KCNH7: variants seen among roughly 807,000 people sequenced by gnomAD.
KCNH7 encodes potassium voltage-gated channel subfamily H member 7, also known as voltage-gated inwardly rectifying potassium channel KCNH7.
A neutral mutation model predicts 120.8 loss-of-function variants in KCNH7; 49 were observed. The ratio of observed to expected loss-of-function variants is 0.41; its 90% confidence interval spans 0.32 to 0.51. The LOEUF (loss-of-function observed/expected upper bound fraction) is 0.51. Among genes scored for constraint, KCNH7 ranks in the 20% least tolerant of loss-of-function variants. The pLI is 0.38. For synonymous variants in KCNH7, 547 were observed against 516.1 expected, an observed-to-expected ratio of 1.06 and a Z score of -0.81; for missense variants, 1,097 against 1,446.6, an observed-to-expected ratio of 0.76 and a Z score of 3.92.
intron 2 of KCNH7, among the ~76,000 whole-genome samples, chr2:162,780,125 C>T (rs1362548145): frequency 6.6e-6 from 1 of 152,052 alleles, no homozygotes; most frequent in Non-Finnish European, 1.5e-5. Flanking sequence ...TTCCTTGTTG[C>T]CAGAAAAGTA....
chr2:162,733,016 T>G (rs1687779280), intron 2 of KCNH7, among the ~76,000 whole-genome samples: 1 of 152,350 alleles, frequency 6.6e-6, no homozygotes, highest in South Asian at 2.1e-4. Flanking sequence ...TTTGGCATAT[T>G]TAGCAACAGT....
chr2:162,429,659 T>A (rs772072444), intron 8 of KCNH7, among the ~76,000 whole-genome samples: 2 of 151,816 alleles, frequency 1.3e-5, no homozygotes, highest in African/African-American at 4.8e-5. Context: ...TAATAAGAAA[T>A]CTATCAACAT....
intron 5 of KCNH7, among the ~76,000 whole-genome samples, chr2:162,508,562 T>C (rs1245061365): frequency 6.6e-6 from 1 of 151,540 alleles, no homozygotes; most frequent in Non-Finnish European, 1.5e-5. Context: ...ATGATCAGTG[T>C]TGGCTTAGAT....
chr2:162,741,745 A>G (rs1365819678), intron 2 of KCNH7, among the ~76,000 whole-genome samples: 2 of 152,152 alleles, frequency 1.3e-5, no homozygotes, highest in African/African-American at 2.4e-5. Context: ...AAAACACTGT[A>G]TTTCTCAAGG....
intron 2 of KCNH7, among the ~76,000 whole-genome samples, chr2:162,778,619 A>C (rs189413378): frequency 1.3e-5 from 2 of 151,492 alleles, no homozygotes; most frequent in East Asian, 3.9e-4. Flanking sequence ...TAATCTCACA[A>C]GGTTCTTCAC....
intron 2 of KCNH7, among the ~76,000 whole-genome samples, chr2:162,598,969 G>A (rs905534469): frequency 6.6e-6 from 1 of 151,980 alleles, no homozygotes; most frequent in Non-Finnish European, 1.5e-5. Context: ...GAAAGCTTAT[G>A]TGAAGGCTGG....
chr2:162,556,101 G>A (rs1047434469), intron 2 of KCNH7, among the ~76,000 whole-genome samples: 6 of 151,834 alleles, frequency 4.0e-5, no homozygotes, highest in African/African-American at 1.5e-4. Context: ...TGAAAACTGA[G>A]CATTTAAAAT....
At chr2:162,558,478 T>C (rs1372069135) in intron 2 of KCNH7, among the ~76,000 whole-genome samples, 1 of 149,386 alleles carries the variant, frequency 6.7e-6, no homozygotes, top group Non-Finnish European at 1.5e-5. Flanking sequence ...CCGGCCAGGC[T>C]CTTTCTTTTG....
In KCNH7 at chr2:162,824,339, C is replaced by T. The variant is rs184038770; in HGVS notation, c.307+12198G>A. Among the ~76,000 whole-genome samples the T allele has an allele frequency of 2.7e-4, 41 of 152,222 alleles. No individual in the cohort carries two copies. In the East Asian group the frequency reaches 4.6e-3, roughly 17 times the overall value. ...GCAAAGAAACAAGTTCTGCAATTTT[C>T]GAATGAATAGATGCCAGCTAATAGG... On this transcript the variant is annotated intron_variant, in intron 2 of 15. Transcript: ENST00000332142.
chr2:162,636,748 A>G (rs553976107), intron 2 of KCNH7, among the ~76,000 whole-genome samples: 1 of 152,250 alleles, frequency 6.6e-6, no homozygotes, highest in Non-Finnish European at 1.5e-5. Context: ...TCACAGGATT[A>G]ACCTATAAAT....
At chr2:162,493,643 C>T (rs1400893804) in intron 6 of KCNH7, among the ~76,000 whole-genome samples, 1 of 152,000 alleles carries the variant, frequency 6.6e-6, no homozygotes, top group Non-Finnish European at 1.5e-5. Flanking sequence ...CTTATCTGTG[C>T]CTAGTACATA....
rs942663609 is a variant in KCNH7 at position 162,398,911 on chromosome 2, TA to T, written c.2407+1277del. ...GTTAGAAAACCAAATTTGGGAAATG[TA>T]AAAAAAAACTAATATAATAAAATTA... On this transcript the variant is annotated intron_variant, in intron 10 of 15. Transcript: ENST00000332142. Among the ~76,000 whole-genome samples the T allele has an allele frequency of 1.9e-4, 29 of 151,298 alleles. 1 individual carries two copies. Among genetic ancestry groups the T allele is most frequent in the South Asian group, 1.3e-3 (6 of 4,790 alleles).
chr2:162,522,547 CAT>C (rs1691569002), intron 3 of KCNH7, among the ~76,000 whole-genome samples: 2 of 151,834 alleles, frequency 1.3e-5, no homozygotes, highest in South Asian at 4.1e-4. Flanking sequence ...AAATATAAAA[CAT>C]AGATGAGTGT....
At position 162,515,585 on chromosome 2, in the gene KCNH7, C is replaced by T. The variant is rs146130938; in HGVS notation, c.892+2145G>A. 3.7e-4 allele frequency among the ~76,000 whole-genome samples: 56 copies of T among 151,836 alleles called. 1 individual carries two copies. The East Asian group carries it at 9.0e-3, about 24-fold the overall frequency. Reference sequence around the variant, plus strand: ...TCAGTATGATTGCTAAAAGTGACTACACTAACTAAACTCACTAAAACATAT... The same window carrying T: ...TCAGTATGATTGCTAAAAGTGACTATACTAACTAAACTCACTAAAACATAT... On this transcript the variant is annotated intron_variant, in intron 4 of 15. Coordinates refer to ENST00000332142, the MANE Select transcript of KCNH7 (RefSeq NM_033272.4).
At position 162,757,575 on chromosome 2, in the gene KCNH7, G is replaced by A. The variant is rs373011022; in HGVS notation, c.307+78962C>T. Among the ~76,000 whole-genome samples, 36 of 152,024 alleles carry A rather than the reference G, an allele frequency of 2.4e-4. 1 individual carries two copies. The highest frequency in any genetic ancestry group is 7.0e-4 in the African/African-American group (29 of 41,472). On this transcript the variant is annotated intron_variant, in intron 2 of 15. Transcript: ENST00000332142. ...AAAAAATGTATATATCTTTAGAAAC[G>A]TTTGACCACAAAGATATCTCAGTTA...
At chr2:162,791,593 G>T (rs1170349157) in intron 2 of KCNH7, among the ~76,000 whole-genome samples, 2 of 151,942 alleles carry the variant, frequency 1.3e-5, no homozygotes. Context: ...TTGATTGTTG[G>T]TGTATAGGAA....
rs778077015 is a variant in KCNH7 at position 162,517,773 on chromosome 2, G to A, written c.849C>T (p.Gly283=). ...CTCTAAATATGTTCTTGGGGTGGAC[G>A]CCGAATCCTTCTATATCATGGACCG... The part of the protein sequence containing the change: ...ASSVHDIEGF[G]VHPKNIFRDR... Residue 283 remains glycine (G), a synonymous_variant, in exon 4 of 16, where the codon GGC becomes GGT. Coordinates refer to ENST00000332142, the MANE Select transcript of KCNH7 (RefSeq NM_033272.4). 67 of 1,586,806 alleles carry A rather than the reference G, an allele frequency of 4.2e-5. 1 individual carries two copies. In the Middle Eastern group the frequency reaches 1.0e-3, roughly 24 times the overall value.
At chr2:162,632,104 A>C (rs1353439679) in intron 2 of KCNH7, among the ~76,000 whole-genome samples, 1 of 152,048 alleles carries the variant, frequency 6.6e-6, no homozygotes, top group Non-Finnish European at 1.5e-5. Context: ...TTTGGAGATA[A>C]GGTTATATAA....
chr2:162,514,848 T>C (rs1691225767), intron 4 of KCNH7, among the ~76,000 whole-genome samples: 1 of 151,756 alleles, frequency 6.6e-6, no homozygotes, highest in African/African-American at 2.4e-5. Context: ...TATTCATTAA[T>C]ATATCTGCAA....
Sources: allele counts gnomAD v4.1 joint callset (sites outside exome capture counted in the v4.1 genomes callset), GRCh38; gene constraint gnomAD v4.1.1; transcripts MANE v1.5; gene names NCBI Gene and HGNC (gene_info 2026-07-23, HGNC 2026-07-21).